DNAH6: variants seen among roughly 807,000 people sequenced by gnomAD.
The protein encoded by DNAH6 is dynein axonemal heavy chain 6.
DNAH6 carries 340 observed loss-of-function variants against 491.4 expected under a neutral mutation model. That is an observed-to-expected ratio of 0.69 (90% CI 0.63 to 0.76). DNAH6 has a LOEUF of 0.76. Ranked by LOEUF, DNAH6 falls within the 30% of genes least tolerant of loss-of-function variation. The probability of loss-of-function intolerance (pLI) is 0.00; values close to 1 mark genes in which losing one functional copy is unlikely to be tolerated. For missense variants in DNAH6, 4,443 were observed against 4,972.2 expected (o/e 0.89, Z 3.20); for synonymous variants, 1,603 against 1,686.1 (o/e 0.95, Z 1.21).
chr2:84,745,162 A>G lies in DNAH6; in HGVS notation c.10425A>G (p.Glu3475=), dbSNP rs1479783379. 3.2e-6 allele frequency: 5 copies of G among 1,550,334 alleles called. No homozygotes were observed. The highest frequency in any genetic ancestry group is 4.4e-6 in the Non-Finnish European group (5 of 1,146,304). ...ACGAAGATAAACACATGAGACAGGA[A>G]AAGGAGGCAGCACACCAAGATCCAT... ...MKHEDKHMRQ[E]KEAAHQDPWS... is the part of the protein sequence containing the mutation. Residue 3475 remains glutamate (E), a synonymous_variant, in exon 63 of 77, where the codon GAA becomes GAG. Coordinates refer to ENST00000389394, the MANE Select transcript of DNAH6 (RefSeq NM_001370.2).
At chr2:84,614,699 AT>A (rs1211463839) in intron 22 of DNAH6, among the ~76,000 whole-genome samples, 1 of 124,080 alleles carries the variant, frequency 8.1e-6, no homozygotes, top group Non-Finnish European at 1.9e-5. Context: ...AACATCTATT[AT>A]TTTTTTTATT....
intron 15 of DNAH6, chr2:84,584,719 T>G (rs1683361487): frequency 1.3e-5 from 2 of 154,988 alleles, no homozygotes; most frequent in African/African-American, 2.4e-5. Flanking sequence ...TGCTAGCACA[T>G]TTTACAGCTA....
At chr2:84,773,082 T>A (rs1316208063) in intron 64 of DNAH6, among the ~76,000 whole-genome samples, 1 of 152,152 alleles carries the variant, frequency 6.6e-6, no homozygotes, top group Non-Finnish European at 1.5e-5. Context: ...TTCATTTTTT[T>A]AAAACTTCAA....
At chr2:84,520,461 A>C (rs1292354413) in intron 2 of DNAH6, among the ~76,000 whole-genome samples, 1 of 152,048 alleles carries the variant, frequency 6.6e-6, no homozygotes, top group Non-Finnish European at 1.5e-5. Context: ...ATATGTACAG[A>C]TTTGTTACAT....
the DNAH6 span, among the ~76,000 whole-genome samples, chr2:84,503,948 A>G: frequency 2.0e-5 from 3 of 152,050 alleles, no homozygotes; most frequent in Non-Finnish European, 4.4e-5. Flanking sequence ...TCTTTCTCTA[A>G]GTTTGGGAAA....
chr2:84,613,232 CAT>C (rs931143323), intron 22 of DNAH6, among the ~76,000 whole-genome samples: 3 of 151,712 alleles, frequency 2.0e-5, no homozygotes, highest in Admixed American at 6.6e-5. Flanking sequence ...GGGAATGAGT[CAT>C]GTATGTGATC....
rs140811717 is a variant in DNAH6 at position 84,531,833 on chromosome 2, T to TAA, written c.662+2674_662+2675dup. Among the ~76,000 whole-genome samples, 5 of 151,808 alleles carry TAA rather than the reference T, an allele frequency of 3.3e-5. No homozygotes were observed. In the East Asian group the frequency reaches 9.7e-4, roughly 29 times the overall value. On this transcript the variant is annotated intron_variant, in intron 4 of 76. Coordinates refer to ENST00000389394, the MANE Select transcript of DNAH6 (RefSeq NM_001370.2). ...ATAATGTAATTTAAAGCCCTTCAAT[T>TAA]AAAAAAAACCCTTAATAATATTGTC...
chr2:84,647,413 A>G (rs1032610655), intron 33 of DNAH6, among the ~76,000 whole-genome samples: 13 of 152,214 alleles, frequency 8.5e-5, no homozygotes, highest in African/African-American at 1.9e-4. Flanking sequence ...AGATGATGCC[A>G]TATAGGACTT....
chr2:84,462,358 C>G, the DNAH6 span, among the ~76,000 whole-genome samples: 5 of 152,170 alleles, frequency 3.3e-5, no homozygotes, highest in Non-Finnish European at 5.9e-5. Flanking sequence ...ACTGGATGGA[C>G]CAATGTACAT....
intron 54 of DNAH6, among the ~76,000 whole-genome samples, chr2:84,708,508 G>GGAAA (rs1456881103): frequency 1.5e-5 from 2 of 137,348 alleles, no homozygotes; most frequent in Non-Finnish European, 3.2e-5. Flanking sequence ...AGGAAGGAAG[G>GGAAA]GAAAGAAAGA....
At chr2:84,769,410 T>G (rs1675402712) in intron 64 of DNAH6, among the ~76,000 whole-genome samples, 1 of 152,196 alleles carries the variant, frequency 6.6e-6, no homozygotes, top group African/African-American at 2.4e-5. Flanking sequence ...CCTAATCAAC[T>G]TTATCAAAAC....
At chr2:84,649,716 G>A (rs193104824) in intron 33 of DNAH6, among the ~76,000 whole-genome samples, 17 of 152,050 alleles carry the variant, frequency 1.1e-4, no homozygotes, top group Middle Eastern at 3.4e-3. Flanking sequence ...CTATAAAAAG[G>A]AATGAGATCA....
chr2:84,557,511 G>A (rs6729517), intron 10 of DNAH6, among the ~76,000 whole-genome samples: 1,910 of 150,490 alleles, frequency 0.013, 41 homozygotes, highest in African/African-American at 0.043. Context: ...TTAGCTGGGC[G>A]CGGTGGCGGG....
chr2:84,745,417 G>A (rs755946356), intron 63 of DNAH6, among the ~76,000 whole-genome samples, 168 bp downstream of exon 63: 7 of 152,232 alleles, frequency 4.6e-5, no homozygotes, highest in Non-Finnish European at 8.8e-5. Context: ...TGTAATCCCA[G>A]CACTTTGGGA....
chr2:84,487,299 T>G, the DNAH6 span, among the ~76,000 whole-genome samples: 1 of 152,224 alleles, frequency 6.6e-6, no homozygotes, highest in Non-Finnish European at 1.5e-5. Flanking sequence ...GAAATTCCAC[T>G]GGACAATAGA....
intron 21 of DNAH6, 131 bp downstream of exon 21, chr2:84,607,226 G>C (rs1000202130): frequency 1.0e-6 from 1 of 954,670 alleles, no homozygotes; most frequent in Non-Finnish European, 1.5e-6. Flanking sequence ...ACATGTTATT[G>C]TGTTTAGAAT....
At chr2:84,760,844 C>G (rs1417854816) in intron 63 of DNAH6, among the ~76,000 whole-genome samples, 2 of 152,142 alleles carry the variant, frequency 1.3e-5, no homozygotes, top group African/African-American at 4.8e-5. Context: ...TTTCTGGGCT[C>G]AAACAATTCA....
Position 84,685,382 on chromosome 2 carries a change from T to C in DNAH6, c.6973T>C (p.Phe2325Leu), listed in dbSNP as rs1403198170. 2 of 1,530,028 alleles carry C rather than the reference T, an allele frequency of 1.3e-6. No homozygotes were observed. The highest frequency in any genetic ancestry group is 1.8e-6 in the Non-Finnish European group (2 of 1,132,966). 94.8% of individuals were successfully genotyped at this position (1,530,028 alleles called of 1,614,324 possible). A position where few individuals can be genotyped will look rare whatever the true frequency, so the allele number is the denominator to read the frequency against. The change falls in exon 43 of 77, where the codon TTT becomes CTT. Residue 2325 changes from phenylalanine (F) to leucine (L), a missense_variant. By Grantham distance (22) the Phe-to-Leu change is conservative. Coordinates refer to ENST00000389394, the MANE Select transcript of DNAH6 (RefSeq NM_001370.2). ...IREEIQIFRL[F>L]CHECQRVFHD... ...AGAAGAAATTCAGATATTTAGACTC[T>C]TTTGCCATGAGTGCCAAAGGGTCTT...
chr2:84,759,011 A>G (rs962073765), intron 63 of DNAH6, among the ~76,000 whole-genome samples: 1 of 152,182 alleles, frequency 6.6e-6, no homozygotes, highest in Non-Finnish European at 1.5e-5. Context: ...ATTCCTGTTT[A>G]TTGATGATAT....
Sources: allele counts gnomAD v4.1 joint callset (sites outside exome capture counted in the v4.1 genomes callset), GRCh38; gene constraint gnomAD v4.1.1; transcripts MANE v1.5; gene names NCBI Gene and HGNC (gene_info 2026-07-23, HGNC 2026-07-21).